Variants in GUF1 observed in about 807,000 individuals in gnomAD.
GUF1 encodes GTP binding elongation factor GUF1.
A neutral mutation model predicts 82.4 loss-of-function variants in GUF1; 78 were observed. That is an observed-to-expected ratio of 0.95 (90% CI 0.79 to 1.14). The LOEUF is 1.14. Among genes scored for constraint, GUF1 ranks in the 50% most tolerant of loss-of-function variants. The pLI is 0.00. For synonymous variants in GUF1, 279 were observed against 282.3 expected (o/e 0.99, Z 0.12); for missense variants, 814 against 798.2 (o/e 1.02, Z -0.24).
At chr4:44,681,018 C>T (rs558919314) in intron 3 of GUF1, 105 bp from the exon 4 acceptor site, 46 of 1,178,628 alleles carry the variant, frequency 3.9e-5, no homozygotes, top group African/African-American at 1.4e-4. Flanking sequence ...AAAAAAGAAA[C>T]GAATATTTAA....
At chr4:44,693,781 A>G (rs1398563327) in intron 13 of GUF1, among the ~76,000 whole-genome samples, 2 of 152,126 alleles carry the variant, frequency 1.3e-5, no homozygotes, top group African/African-American at 4.8e-5. Context: ...CTTTGACCAC[A>G]TTGTTAAAAG....
chr4:44,697,333 A>G lies in GUF1; in HGVS notation c.1836-75A>G, dbSNP rs560283253. On this transcript the variant is annotated intron_variant, in intron 15 of 16. Transcript: ENST00000281543. ...ATTAAAATTTTCTAGTAAAGGGGAG[A>G]TTGTTTTTGGTAAGGAAGTGCTTTT... is the stretch of plus-strand genomic sequence containing the variant. 9.2e-5 allele frequency: 77 copies of G among 834,642 alleles called. 1 individual carries two copies. The South Asian group carries it at 1.1e-3, about 12-fold the overall frequency. 51.7% of individuals were successfully genotyped at this position (834,642 alleles called of 1,614,324 possible).
rs772147687 is a variant in GUF1 at position 44,690,722 on chromosome 4, T to C, written c.1341T>C (p.His447=). ...CTGATTTTTCTAATTTTTAGGAACA[T>C]AGAGAAAAAGAAATTACAATTATCA... ...VLSSSKLIKE[H]REKEITIINP... is the part of the protein sequence containing the mutation. The change falls in exon 12 of 17, where the codon CAT becomes CAC. Residue 447 remains histidine (H), a synonymous_variant. Coordinates refer to ENST00000281543, the MANE Select transcript of GUF1 (RefSeq NM_021927.3). 3.9e-5 allele frequency: 60 copies of C among 1,537,658 alleles called. No individual in the cohort carries two copies. Among genetic ancestry groups the C allele is most frequent in the Non-Finnish European group, 5.2e-5 (59 of 1,124,978 alleles).
rs894284691 is a variant in GUF1, at chr4:44,700,517, C to G, written c.*1836C>G. On this transcript the variant is annotated 3_prime_UTR_variant, in exon 17 of 17. Transcript: ENST00000281543. ...CCCCTCTTCAAGTTGTCCTGCCTTT[C>G]AAGACCAATGTACACCTTACACATA... 2 of 152,296 alleles carry G rather than the reference C, an allele frequency of 1.3e-5. No individual in the cohort carries two copies. Among genetic ancestry groups the G allele is most frequent in the South Asian group, 2.1e-4 (1 of 4,824 alleles). 9.4% of individuals were successfully genotyped at this position (152,296 alleles called of 1,614,324 possible). A position where few individuals can be genotyped will look rare whatever the true frequency, so the allele number is the denominator to read the frequency against.
At chr4:44,695,389 C>T (rs1715742110) in intron 14 of GUF1, among the ~76,000 whole-genome samples, 1 of 152,106 alleles carries the variant, frequency 6.6e-6, no homozygotes, top group South Asian at 2.1e-4. Context: ...GAATCAAGAA[C>T]AGTTTCTATT....
chr4:44,689,525 T>TA, intron 10 of GUF1, 116 bp downstream of exon 10: 1 of 1,162,494 alleles, frequency 8.6e-7, no homozygotes, highest in Non-Finnish European at 1.2e-6. Context: ...AAGGGAGGTA[T>TA]AAAATGGTGC....
intron 15 of GUF1, 105 bp from the exon 16 acceptor site, chr4:44,697,303 C>A (rs980610099): frequency 1.4e-5 from 8 of 558,210 alleles, no homozygotes; most frequent in African/African-American, 1.4e-4. Flanking sequence ...GGTAATGATA[C>A]TATCATTAAA....
In GUF1 at chr4:44,678,480, C is replaced by T; in HGVS notation, c.-143C>T. ...TTCCGGATCTGGTACTTGGGCAGAG[C>T]TCCCCGGGGTTCATTGTCTTCGCTT... On this transcript the variant is annotated 5_prime_UTR_variant, in exon 1 of 17. Transcript: ENST00000281543. The T allele has an allele frequency of 1.5e-6, 1 of 645,180 alleles. No individual in the cohort carries two copies. Among genetic ancestry groups the T allele is most frequent in the Non-Finnish European group, 2.3e-6 (1 of 433,672 alleles). 40.0% of individuals were successfully genotyped at this position (645,180 alleles called of 1,614,324 possible).
intron 6 of GUF1, 56 bp downstream of exon 6, chr4:44,683,374 T>TTGCAAAA: frequency 1.0e-6 from 1 of 994,018 alleles, no homozygotes. Context: ...GTAATTGGGC[T>TTGCAAAA]AAGTGAAATT....
intron 15 of GUF1, among the ~76,000 whole-genome samples, chr4:44,697,099 A>T (rs1451902071): frequency 6.6e-6 from 1 of 152,168 alleles, no homozygotes; most frequent in African/African-American, 2.4e-5. Context: ...AAATAACCTA[A>T]TGTATTTCTT....
intron 13 of GUF1, 197 bp from the exon 14 acceptor site, chr4:44,694,215 G>T: frequency 2.0e-6 from 1 of 506,400 alleles, no homozygotes; most frequent in Admixed American, 4.1e-5. Context: ...CCTTGCTTTT[G>T]CCCTTGATTT....
chr4:44,689,776 A>G, intron 10 of GUF1, 67 bp from the exon 11 acceptor site: 5 of 922,850 alleles, frequency 5.4e-6, no homozygotes, highest in Non-Finnish European at 7.2e-6. Flanking sequence ...CAATATGTTC[A>G]TTAAAAAAAA....
At chr4:44,691,054 TTC>T (rs1433662854) in intron 12 of GUF1, among the ~76,000 whole-genome samples, 194 bp downstream of exon 12, 1 of 151,696 alleles carries the variant, frequency 6.6e-6, no homozygotes, top group African/African-American at 2.4e-5. Flanking sequence ...ATAAAAATAT[TTC>T]TGATAATTTG....
In GUF1 at chr4:44,691,715, T is replaced by G. The variant is rs1715457821; in HGVS notation, c.1529T>G (p.Val510Gly). The G allele has an allele frequency of 2.5e-6, 4 of 1,580,180 alleles. No homozygotes were observed. The East Asian group carries it at 9.0e-5, about 36-fold the overall frequency. Residue 510 changes from valine (V) to glycine (G), a missense_variant, in exon 13 of 17, where the codon GTT becomes GGT. Val to Gly is a moderately radical substitution (Grantham distance 109). Transcript: ENST00000281543. ...ATGATATTTATTGATCAAAATAGAG[T>G]TATGCTTAAATATCTCTTTCCTTTG... is the stretch of plus-strand genomic sequence containing the variant. ...KNMIFIDQNR[V>G]MLKYLFPLNE...
At chr4:44,690,635 G>T (rs1323051552) in intron 11 of GUF1, 82 bp from the exon 12 acceptor site, 2 of 756,026 alleles carry the variant, frequency 2.6e-6, no homozygotes, top group South Asian at 2.1e-5. Context: ...CAGCTGGAGG[G>T]ATTTTAAAAT....
In GUF1 at chr4:44,690,768, A is replaced by T; in HGVS notation, c.1387A>T (p.Lys463Ter). ...TATCAATCCTGCACAATTCCCCGATAAATCAAAAGTAACAGAATATTTGGA... is the reference window on the plus strand; with the variant it reads ...TATCAATCCTGCACAATTCCCCGATTAATCAAAAGTAACAGAATATTTGGA... The part of the protein sequence containing the change: ...TIINPAQFPD[K>*]SKVTEYLEPV... Residue 463 changes from lysine (K) to a stop codon, truncating the protein, a stop_gained, in exon 12 of 17, where the codon AAA becomes TAA. Transcript: ENST00000281543. LOFTEE classifies it high-confidence loss of function. 6.3e-7 allele frequency: 1 copy of T among 1,597,324 alleles called. No individual in the cohort carries two copies. The highest frequency in any genetic ancestry group is 8.6e-7 in the Non-Finnish European group (1 of 1,166,484).
In GUF1 at chr4:44,698,627, T is replaced by A; in HGVS notation, c.1956T>A (p.Val652=). 6.2e-7 allele frequency: 1 copy of A among 1,610,164 alleles called. No homozygotes were observed. Residue 652 remains valine (V), a synonymous_variant, in exon 17 of 17, where the codon GTT becomes GTA. Transcript: ENST00000281543. ...AAAAGCTGAGGAAAATTGGCAACGT[T>A]GAAGTTCCAAAAGATGCTTTTATAA... The part of the protein sequence containing the change: ...GKKKLRKIGN[V]EVPKDAFIKV...
At chr4:44,688,175 G>A in intron 9 of GUF1, 29 bp downstream of exon 9, 2 of 1,575,044 alleles carry the variant, frequency 1.3e-6, no homozygotes, top group Non-Finnish European at 8.6e-7. Flanking sequence ...CAAAGGTTGA[G>A]GGCCATGATA....
chr4:44,680,682 TTC>T lies in GUF1; in HGVS notation c.278-10_278-9del, dbSNP rs1168550037. 1.9e-6 allele frequency: 3 copies of T among 1,552,270 alleles called. No individual in the cohort carries two copies. The East Asian group carries it at 7.0e-5, about 36-fold the overall frequency. On this transcript the variant is annotated splice_polypyrimidine_tract_variant and intron_variant, in intron 2 of 16. Transcript: ENST00000281543. The stretch of plus-strand genomic sequence containing the variant: ...AGCCCAGAGAAATATCAATAAGTGT[TTC>T]TGTTTATAGGGACAATTGATAAAAC...
Sources: allele counts gnomAD v4.1 joint callset (sites outside exome capture counted in the v4.1 genomes callset), GRCh38; gene constraint gnomAD v4.1.1; transcripts MANE v1.5; gene names NCBI Gene and HGNC (gene_info 2026-07-23, HGNC 2026-07-21).